The following PCDHGB1 variants were observed in gnomAD, a reference collection of about 807,000 sequenced individuals.
The protein encoded by PCDHGB1 is protocadherin gamma-B1.
In PCDHGB1, 34 loss-of-function variants were observed where a neutral mutation model predicts 56.6. That is an observed-to-expected ratio of 0.60 (90% CI 0.46 to 0.80). PCDHGB1 has a LOEUF of 0.80. Ranked by LOEUF, PCDHGB1 falls within the 30% of genes least tolerant of loss-of-function variation. The probability of loss-of-function intolerance (pLI) is 0.00; values close to 1 mark genes in which losing one functional copy is unlikely to be tolerated. For synonymous variants in PCDHGB1, 561 were observed against 505.9 expected (o/e 1.11, Z -1.46); for missense variants, 1,278 against 1,204.6 (o/e 1.06, Z -0.90).
chr5:141,508,910 A>T (rs2099872999), intron 3 of PCDHGB1, among the ~76,000 whole-genome samples: 1 of 151,906 alleles, frequency 6.6e-6, no homozygotes, highest in Non-Finnish European at 1.5e-5. Context: ...GCGGTGGCGG[A>T]TCTGGCTTCC....
At chr5:141,459,442 A>G (rs2098968073) in intron 1 of PCDHGB1, among the ~76,000 whole-genome samples, 1 of 152,198 alleles carries the variant, frequency 6.6e-6, no homozygotes, top group South Asian at 2.1e-4. Context: ...CATTCATTCA[A>G]CTGTTGGTGG....
chr5:141,362,130 G>A (rs762720403), intron 1 of PCDHGB1: 3 of 1,613,918 alleles, frequency 1.9e-6, no homozygotes, highest in African/African-American at 1.3e-5. Context: ...TAATCTTCGC[G>A]GATAGCCTGC....
chr5:141,372,765 A>G, intron 1 of PCDHGB1: 1 of 1,612,386 alleles, frequency 6.2e-7, no homozygotes, highest in Non-Finnish European at 8.5e-7. Flanking sequence ...GTTTGAAAGT[A>G]ATGACAATCC....
intron 1 of PCDHGB1, chr5:141,374,222 A>G (rs1770285698): frequency 1.2e-6 from 2 of 1,613,902 alleles, no homozygotes; most frequent in South Asian, 1.1e-5. Flanking sequence ...CTTCGTAGGC[A>G]ACATCGTCAA....
rs757586675 is a variant in PCDHGB1, at chr5:141,399,621, C to T, written c.2409+46952C>T. The T allele has an allele frequency of 1.1e-5, 17 of 1,613,830 alleles. No individual in the cohort carries two copies. The African/African-American group carries it at 2.3e-4, about 22-fold the overall frequency. On this transcript the variant is annotated intron_variant, in intron 1 of 3. Transcript: ENST00000523390. Reference sequence around the variant, plus strand: ...GCGACCTAGAGCCTCTGGCACTGGCCTCTTACGTGTCCATGAGCGCGCAAA... The same window carrying T: ...GCGACCTAGAGCCTCTGGCACTGGCTTCTTACGTGTCCATGAGCGCGCAAA...
rs1212833348 is a variant in PCDHGB1 at position 141,431,379 on chromosome 5, C to T, written c.2410-63428C>T. On this transcript the variant is annotated intron_variant, in intron 1 of 3. Transcript: ENST00000523390. The surrounding 1 kb of genome is among the most constrained non-coding windows in gnomAD (Gnocchi z 4.8). ...GCCCTGGACCGCGAAGAAAAGGCTG[C>T]TCACCACCTGGTCCTTACGGCCTCC... is the stretch of plus-strand genomic sequence containing the variant. 3 of 1,613,946 alleles carry T rather than the reference C, an allele frequency of 1.9e-6. No individual in the cohort carries two copies. Among genetic ancestry groups the T allele is most frequent in the Non-Finnish European group, 2.5e-6 (3 of 1,180,020 alleles).
intron 1 of PCDHGB1, among the ~76,000 whole-genome samples, chr5:141,463,632 T>C (rs2099065676): frequency 6.6e-6 from 1 of 151,822 alleles, no homozygotes; most frequent in Admixed American, 6.6e-5. Flanking sequence ...GTATTTTGTT[T>C]AGTAGAGACG....
In PCDHGB1 at chr5:141,435,189, G is replaced by A. The variant is rs569176993; in HGVS notation, c.2410-59618G>A. Among the ~76,000 whole-genome samples the A allele has an allele frequency of 5.3e-5, 8 of 152,166 alleles. No homozygotes were observed. The South Asian group carries it at 8.3e-4, about 16-fold the overall frequency. On this transcript the variant is annotated intron_variant, in intron 1 of 3. Coordinates refer to ENST00000523390, the MANE Select transcript of PCDHGB1 (RefSeq NM_018922.3). ...GTGGCTTTTAACTACACTTGAGATGGCTAGCAAATTCATAAAGTGAATTTA... is the reference window on the plus strand; with the variant it reads ...GTGGCTTTTAACTACACTTGAGATGACTAGCAAATTCATAAAGTGAATTTA...
Position 141,485,831 on chromosome 5 carries a change from C to T in PCDHGB1, c.2410-8976C>T. 1 of 1,614,080 alleles carries T rather than the reference C, an allele frequency of 6.2e-7. No individual in the cohort carries two copies. The highest frequency in any genetic ancestry group is 8.5e-7 in the Non-Finnish European group (1 of 1,180,026). ...GCTGACTGCTGTCGATGGAGGGAAC[C>T]CGCCGAGATCTGGCACCGCAGAGCT... On this transcript the variant is annotated intron_variant, in intron 1 of 3. Coordinates refer to ENST00000523390, the MANE Select transcript of PCDHGB1 (RefSeq NM_018922.3). This position sits in a 1 kb window ranked among gnomAD's most constrained non-coding sequence, Gnocchi z 5.7.
intron 1 of PCDHGB1, chr5:141,385,477 T>C: frequency 7.0e-7 from 1 of 1,433,254 alleles, no homozygotes; most frequent in Non-Finnish European, 9.1e-7. Context: ...GACACTTTAA[T>C]ATAGAACACA....
intron 1 of PCDHGB1, chr5:141,399,694 A>G (rs1467163302): frequency 1.9e-6 from 3 of 1,613,454 alleles, no homozygotes; most frequent in Admixed American, 1.7e-5. Flanking sequence ...GCAGCTGCGC[A>G]CCTTCGAACT....
chr5:141,435,591 T>G (rs1197622032), intron 1 of PCDHGB1, among the ~76,000 whole-genome samples: 1 of 152,206 alleles, frequency 6.6e-6, no homozygotes, highest in Admixed American at 6.5e-5. Flanking sequence ...TGCAGTAATA[T>G]CGCCTGCTTT....
chr5:141,410,251 C>A (rs2095372140), intron 1 of PCDHGB1: 5 of 1,613,898 alleles, frequency 3.1e-6, no homozygotes, highest in African/African-American at 1.3e-5. Context: ...TACTCTCTGA[C>A]CCCCAGGCTG....
At chr5:141,430,774 A>G (rs1269572813) in intron 1 of PCDHGB1, 11 of 1,508,872 alleles carry the variant, frequency 7.3e-6, no homozygotes, top group Non-Finnish European at 8.8e-7. Context: ...TTCCTGCGCG[A>G]CTGCACCGGG....
In PCDHGB1 at chr5:141,487,680, A is replaced by G; in HGVS notation, c.2410-7127A>G. On this transcript the variant is annotated intron_variant, in intron 1 of 3. Coordinates refer to ENST00000523390, the MANE Select transcript of PCDHGB1 (RefSeq NM_018922.3). This position sits in a 1 kb window ranked among gnomAD's most constrained non-coding sequence, Gnocchi z 5.0. ...TCTGATCCAGGCATATGGCTAGGCC[A>G]TGTCCTAGAGAGTACTGGCCTCTCA... 6.2e-7 allele frequency: 1 copy of G among 1,609,370 alleles called. No individual in the cohort carries two copies. The highest frequency in any genetic ancestry group is 2.2e-5 in the East Asian group (1 of 44,826).
chr5:141,410,410 A>G, intron 1 of PCDHGB1: 1 of 1,613,986 alleles, frequency 6.2e-7, no homozygotes, highest in Non-Finnish European at 8.5e-7. Context: ...TCAAGTCTGG[A>G]CCTGTAGTTC....
chr5:141,506,177 G>T (rs1024892091), intron 3 of PCDHGB1, among the ~76,000 whole-genome samples: 4 of 152,142 alleles, frequency 2.6e-5, no homozygotes, highest in African/African-American at 9.7e-5. Context: ...TAAGCTGGGC[G>T]TGGTGGCTCA....
intron 1 of PCDHGB1, chr5:141,395,337 T>G (rs1265011600): frequency 7.0e-7 from 1 of 1,433,514 alleles, no homozygotes; most frequent in African/African-American, 1.4e-5. Context: ...AAATAATTTT[T>G]AAGGTGTATC....
In PCDHGB1 at chr5:141,485,145, A is replaced by G. The variant is rs766014792; in HGVS notation, c.2410-9662A>G. On this transcript the variant is annotated intron_variant, in intron 1 of 3. Coordinates refer to ENST00000523390, the MANE Select transcript of PCDHGB1 (RefSeq NM_018922.3). The surrounding 1 kb of genome is among the most constrained non-coding windows in gnomAD (Gnocchi z 5.7). Reference sequence around the variant, plus strand: ...GGGTCGGCTTCATCCGCGTCTCAGGAGCAAGTAGAGAATTAGCGGGCGGCA... The same window carrying G: ...GGGTCGGCTTCATCCGCGTCTCAGGGGCAAGTAGAGAATTAGCGGGCGGCA... The G allele has an allele frequency of 4.5e-6, 7 of 1,567,410 alleles. No individual in the cohort carries two copies. Among genetic ancestry groups the G allele is most frequent in the Non-Finnish European group, 6.1e-6 (7 of 1,142,014 alleles).
Sources: gnomAD v4.1 joint callset for allele counts (sites outside exome capture counted in the v4.1 genomes callset) on GRCh38, gnomAD v4.1.1 for gene constraint, Gnocchi (gnomAD v3.1) non-coding constraint, MANE v1.5 for transcripts, NCBI Gene and HGNC (gene_info 2026-07-23, HGNC 2026-07-21) for gene names.